The following ITPR2 variants were observed in gnomAD, a reference collection of about 807,000 sequenced individuals.
ITPR2 encodes inositol 1,4,5-trisphosphate receptor type 2.
Under a neutral mutation model 317.1 loss-of-function variants are expected in ITPR2, and 207 were observed. That is an observed-to-expected ratio of 0.65 (90% CI 0.58 to 0.73). The LOEUF (loss-of-function observed/expected upper bound fraction) is 0.73, where lower values mean the gene tolerates loss of function less well. Among genes scored for constraint, ITPR2 ranks in the 30% least tolerant of loss-of-function variants. The probability of loss-of-function intolerance (pLI) is 0.00; values close to 1 mark genes in which losing one functional copy is unlikely to be tolerated. For synonymous variants in ITPR2, 1,156 were observed against 1,149.1 expected (o/e 1.01, Z -0.12); for missense variants, 2,613 against 3,284.0 (o/e 0.80, Z 4.99).
At chr12:26,600,203 C>T (rs944266015) in intron 28 of ITPR2, 94 bp from the exon 29 acceptor site, 4 of 1,064,870 alleles carry the variant, frequency 3.8e-6, no homozygotes, top group Non-Finnish European at 5.4e-6. Flanking sequence ...CCATTTTTCT[C>T]TCTGCCCATC....
intron 45 of ITPR2, among the ~76,000 whole-genome samples, chr12:26,452,857 T>A (rs1453797120): frequency 4.6e-5 from 7 of 152,160 alleles, no homozygotes; most frequent in Non-Finnish European, 1.0e-4. Context: ...ATCTCTTGTC[T>A]TTATTAATTA....
chr12:26,760,234 G>A (rs1949606032), intron 2 of ITPR2, among the ~76,000 whole-genome samples: 1 of 152,182 alleles, frequency 6.6e-6, no homozygotes, highest in Non-Finnish European at 1.5e-5. Context: ...ATTCATAGAT[G>A]TAGAACCTAT....
chr12:26,654,539 A>G (rs563509117), intron 20 of ITPR2, among the ~76,000 whole-genome samples: 1 of 152,324 alleles, frequency 6.6e-6, no homozygotes, highest in South Asian at 2.1e-4. Context: ...ATCGCACAGG[A>G]CATTCCAAGT....
intron 13 of ITPR2, among the ~76,000 whole-genome samples, chr12:26,675,924 G>A (rs1200015929): frequency 1.3e-5 from 2 of 151,046 alleles, no homozygotes; most frequent in Admixed American, 6.6e-5. Context: ...TTGGGAGGCA[G>A]AGGCGGGCAG....
At chr12:26,438,282 T>C (rs775777477) in intron 47 of ITPR2, among the ~76,000 whole-genome samples, 20 of 152,102 alleles carry the variant, frequency 1.3e-4, no homozygotes, top group Non-Finnish European at 2.2e-4. Flanking sequence ...CACCCCTATA[T>C]CTAAAGATGA....
At chr12:26,498,803 C>T (rs1249602529) in intron 37 of ITPR2, among the ~76,000 whole-genome samples, 1 of 152,156 alleles carries the variant, frequency 6.6e-6, no homozygotes, top group African/African-American at 2.4e-5. Flanking sequence ...ACTAGCTCCC[C>T]TTTTAGTCTC....
At chr12:26,384,887 C>T (rs78393188) in intron 55 of ITPR2, among the ~76,000 whole-genome samples, 1 of 152,134 alleles carries the variant, frequency 6.6e-6, no homozygotes, top group South Asian at 2.1e-4. Flanking sequence ...GGGGGATCCC[C>T]TGGGTTCTGT....
At chr12:26,830,026 CCCGAGTAGCTGGGACTACAGGCGT>C (rs1951075288) in intron 1 of ITPR2, among the ~76,000 whole-genome samples, 1 of 152,230 alleles carries the variant, frequency 6.6e-6, no homozygotes, top group African/African-American at 2.4e-5. Context: ...GCCTCAGCCT[CCCGAGTAGCTGGGACTACAGGCGT>C]CCGCCACCAC....
At chr12:26,381,640 T>C (rs990312636) in intron 55 of ITPR2, among the ~76,000 whole-genome samples, 1 of 152,230 alleles carries the variant, frequency 6.6e-6, no homozygotes, top group Non-Finnish European at 1.5e-5. Context: ...AGTTAAATTG[T>C]CTTCATCAAC....
intron 33 of ITPR2, among the ~76,000 whole-genome samples, chr12:26,579,129 G>T (rs1186207949): frequency 1.3e-5 from 2 of 152,066 alleles, no homozygotes; most frequent in African/African-American, 4.8e-5. Context: ...ATAATCCATG[G>T]TTTATTCCCA....
chr12:26,488,720 A>T (rs1171610696), intron 39 of ITPR2, among the ~76,000 whole-genome samples: 1 of 152,186 alleles, frequency 6.6e-6, no homozygotes, highest in Non-Finnish European at 1.5e-5. Flanking sequence ...ATAAAGCCCA[A>T]ATCTTTTCAA....
intron 37 of ITPR2, among the ~76,000 whole-genome samples, chr12:26,499,610 C>T (rs11048551): frequency 0.078 from 11,850 of 152,222 alleles, 1,212 homozygotes; most frequent in East Asian, 0.46. Context: ...AAAAGTTGTA[C>T]ATTGTTGATG....
intron 1 of ITPR2, among the ~76,000 whole-genome samples, chr12:26,818,676 G>A (rs2137286921): frequency 6.6e-6 from 1 of 152,070 alleles, no homozygotes; most frequent in East Asian, 1.9e-4. Context: ...ACAAGTATAG[G>A]ACTCTGAGTA....
chr12:26,567,952 A>ATATATAATATATATATTATATATAT (rs1945021528), intron 34 of ITPR2, among the ~76,000 whole-genome samples: 1 of 5,992 alleles, frequency 1.7e-4, no homozygotes, highest in South Asian at 5.9e-3. Flanking sequence ...TATATATATT[A>ATATATAATATATATATTATATATAT]TATATATATA....
intron 2 of ITPR2, among the ~76,000 whole-genome samples, chr12:26,728,029 T>C (rs1393286333): frequency 1.3e-5 from 2 of 151,842 alleles, no homozygotes; most frequent in African/African-American, 4.8e-5. Flanking sequence ...AAGATAAAAA[T>C]GGAATGGTAG....
intron 1 of ITPR2, among the ~76,000 whole-genome samples, chr12:26,828,011 TTC>T (rs1386923403): frequency 1.3e-5 from 2 of 152,228 alleles, no homozygotes; most frequent in African/African-American, 4.8e-5. Flanking sequence ...AATCTTTTCT[TTC>T]TGTCTCTATC....
chr12:26,676,526 C>T (rs947048406), intron 13 of ITPR2, among the ~76,000 whole-genome samples: 1 of 146,980 alleles, frequency 6.8e-6, no homozygotes, highest in African/African-American at 2.5e-5. Flanking sequence ...TTTTCATATA[C>T]ATAAAACCTA....
intron 2 of ITPR2, among the ~76,000 whole-genome samples, chr12:26,761,410 A>G (rs1390672178): frequency 6.6e-6 from 1 of 152,232 alleles, no homozygotes. Flanking sequence ...AAAACCACCA[A>G]CAAAGAACAA....
intron 2 of ITPR2, among the ~76,000 whole-genome samples, chr12:26,731,754 C>G (rs1339374051): frequency 6.6e-6 from 1 of 152,196 alleles, no homozygotes; most frequent in East Asian, 1.9e-4. Flanking sequence ...GCTATGATCA[C>G]ACCACTGCAC....
Sources: allele counts gnomAD v4.1 joint callset (sites outside exome capture counted in the v4.1 genomes callset), GRCh38; gene constraint gnomAD v4.1.1; transcripts MANE v1.5; gene names NCBI Gene and HGNC (gene_info 2026-07-23, HGNC 2026-07-21).